SAMTOR: variants seen among roughly 807,000 people sequenced by gnomAD.
SAMTOR encodes the protein S-adenosylmethionine sensor upstream of mTORC1.
At chr7:112,929,988 GC>G in the SAMTOR span, among the ~76,000 whole-genome samples, 1 of 92,696 alleles carries the variant, frequency 1.1e-5, no homozygotes, top group Admixed American at 1.3e-4. Flanking sequence ...CTCTAAAAAA[GC>G]AAAAAAATAC....
chr7:112,831,989 A>C, the SAMTOR span, among the ~76,000 whole-genome samples: 1 of 151,952 alleles, frequency 6.6e-6, no homozygotes, highest in Non-Finnish European at 1.5e-5. Context: ...AGCTATGTGG[A>C]ATTCTGTAAT....
the SAMTOR span, among the ~76,000 whole-genome samples, chr7:112,915,911 T>A: frequency 6.6e-6 from 1 of 152,230 alleles, no homozygotes; most frequent in African/African-American, 2.4e-5. Context: ...TCTTGACTGT[T>A]ATTTTCTTGT....
chr7:112,936,646 T>C, the SAMTOR span, among the ~76,000 whole-genome samples: 1 of 152,322 alleles, frequency 6.6e-6, no homozygotes, highest in East Asian at 1.9e-4. Flanking sequence ...ATTCCACTAA[T>C]AGAGATAAGG....
chr7:112,822,472 C>A, the SAMTOR span: 1 of 984,530 alleles, frequency 1.0e-6, no homozygotes, highest in South Asian at 1.8e-5. Context: ...CATAGTAATT[C>A]CAGCATTGAT....
At chr7:112,838,308 A>G in the SAMTOR span, among the ~76,000 whole-genome samples, 3 of 151,974 alleles carry the variant, frequency 2.0e-5, no homozygotes, top group Non-Finnish European at 2.9e-5. Context: ...TTTTACATCT[A>G]TGTTTATAAG....
At chr7:112,824,501 T>A in the SAMTOR span, among the ~76,000 whole-genome samples, 5,760 of 152,076 alleles carry the variant, frequency 0.038, 189 homozygotes, top group Admixed American at 0.085. Context: ...TAGCTGGGAC[T>A]ACAGGCACGC....
chr7:112,879,829 A>T, the SAMTOR span, among the ~76,000 whole-genome samples: 1 of 152,180 alleles, frequency 6.6e-6, no homozygotes, highest in African/African-American at 2.4e-5. Flanking sequence ...CTTAAAACTC[A>T]TTTGAAAATA....
chr7:112,937,983 T>C, the SAMTOR span, among the ~76,000 whole-genome samples: 1 of 151,920 alleles, frequency 6.6e-6, no homozygotes, highest in Non-Finnish European at 1.5e-5. Flanking sequence ...AATAATGAAA[T>C]TATTAAAAGG....
the SAMTOR span, among the ~76,000 whole-genome samples, chr7:112,922,428 T>C: frequency 6.6e-6 from 1 of 151,376 alleles, no homozygotes; most frequent in African/African-American, 2.4e-5. Context: ...TCGTCTGGGA[T>C]GTGAGGAGCC....
the SAMTOR span, among the ~76,000 whole-genome samples, chr7:112,892,061 A>G: frequency 6.6e-6 from 1 of 152,234 alleles, no homozygotes; most frequent in Admixed American, 6.5e-5. Context: ...CCACTGCTTT[A>G]TCAATTAAAT....
the SAMTOR span, among the ~76,000 whole-genome samples, chr7:112,901,682 T>C: frequency 6.6e-6 from 1 of 152,182 alleles, no homozygotes; most frequent in African/African-American, 2.4e-5. Flanking sequence ...TGAAGAACTG[T>C]TATCTAAAAT....
the SAMTOR span, among the ~76,000 whole-genome samples, chr7:112,840,104 C>G: frequency 1.3e-5 from 2 of 151,894 alleles, no homozygotes; most frequent in East Asian, 3.9e-4. Context: ...TTAACAACAC[C>G]CAGAGATTCT....
the SAMTOR span, among the ~76,000 whole-genome samples, chr7:112,925,687 G>A: frequency 4.6e-5 from 7 of 152,044 alleles, no homozygotes; most frequent in South Asian, 2.1e-4. Context: ...CCAACTATTC[G>A]GGAGGCTGAG....
chr7:112,893,956 C>G, the SAMTOR span, among the ~76,000 whole-genome samples: 1 of 152,226 alleles, frequency 6.6e-6, no homozygotes, highest in African/African-American at 2.4e-5. Flanking sequence ...ATTCACAACT[C>G]AGTTAATTCT....
the SAMTOR span, among the ~76,000 whole-genome samples, chr7:112,892,586 T>C: frequency 6.6e-6 from 1 of 152,044 alleles, no homozygotes. Context: ...CTGGGCAATA[T>C]AGGGAGATTC....
chr7:112,917,478 T>TA, the SAMTOR span, among the ~76,000 whole-genome samples: 1 of 151,890 alleles, frequency 6.6e-6, no homozygotes, highest in Non-Finnish European at 1.5e-5. Context: ...CAAAAGTAGA[T>TA]AAAACCACAA....
chr7:112,822,417 T>C, the SAMTOR span: 1 of 1,497,558 alleles, frequency 6.7e-7, no homozygotes, highest in Non-Finnish European at 9.0e-7. Context: ...TTCAAGATTA[T>C]TTCCACTTTA....
At chr7:112,825,978 T>C in the SAMTOR span, among the ~76,000 whole-genome samples, 1 of 152,112 alleles carries the variant, frequency 6.6e-6, no homozygotes, top group Non-Finnish European at 1.5e-5. Context: ...ATACGATAGA[T>C]TGTTTTTGAA....
chr7:112,898,235 C>G, the SAMTOR span, among the ~76,000 whole-genome samples: 1 of 152,190 alleles, frequency 6.6e-6, no homozygotes, highest in Admixed American at 6.5e-5. Context: ...GGCAGCCAGA[C>G]CATGGCAACT....
Sources: allele counts gnomAD v4.1 joint callset (sites outside exome capture counted in the v4.1 genomes callset), GRCh38; gene constraint gnomAD v4.1.1; transcripts MANE v1.5; gene names NCBI Gene and HGNC (gene_info 2026-07-23, HGNC 2026-07-21).